The following TSC22D2 variants were observed in gnomAD, a reference collection of about 807,000 sequenced individuals.
TSC22D2 encodes the protein TSC22 domain family protein 2.
A neutral mutation model predicts 50.1 loss-of-function variants in TSC22D2; 5 were observed. The ratio of observed to expected loss-of-function variants is 0.10; its 90% CI spans 0.05 to 0.21. The LOEUF is 0.21. TSC22D2 is among the 10% of genes least tolerant of loss of function. The pLI is 1.00. For synonymous variants in TSC22D2, 501 were observed against 450.1 expected (o/e 1.11, Z -1.43); for missense variants, 1,003 against 1,015.5 (o/e 0.99, Z 0.17).
rs1007895181 is a variant in TSC22D2 at position 150,459,913 on chromosome 3, T to C, written c.*1277T>C. On this transcript the variant is annotated 3_prime_UTR_variant, in exon 3 of 3. Transcript: ENST00000688009. ...CGTATGCAGAAAACGTTTTGTTACA[T>C]TGCAGATTTTAATGTATTTAATAAA... The C allele has an allele frequency of 2.0e-5, 3 of 151,906 alleles. No homozygotes were observed. The highest frequency in any genetic ancestry group is 7.3e-5 in the African/African-American group (3 of 41,374). The allele number at this position is 151,906 out of a possible 1,614,324, so 9.4% of individuals were successfully genotyped here.
chr3:150,432,395 G>A (rs1720406217), intron 1 of TSC22D2, among the ~76,000 whole-genome samples: 1 of 151,844 alleles, frequency 6.6e-6, no homozygotes, highest in Non-Finnish European at 1.5e-5. Flanking sequence ...AGCTGGTAAG[G>A]TCTCTTTATT....
At chr3:150,442,246 C>T (rs746498214) in intron 1 of TSC22D2, among the ~76,000 whole-genome samples, 3 of 152,130 alleles carry the variant, frequency 2.0e-5, no homozygotes, top group Non-Finnish European at 4.4e-5. Flanking sequence ...TAAAATCTTG[C>T]TCTGTCTTAG....
rs1721309844 is a variant in TSC22D2, at chr3:150,459,569, G to GTTTTTTTTTT, written c.*935_*936insTTTTTTTTTT. The GTTTTTTTTTT allele has an allele frequency of 3.5e-5, 3 of 86,048 alleles. No individual in the cohort carries two copies. Among genetic ancestry groups the GTTTTTTTTTT allele is most frequent in the Non-Finnish European group, 7.5e-5 (3 of 40,226 alleles). The allele number at this position is 86,048 out of a possible 1,614,324, so 5.3% of individuals were successfully genotyped here. ...GTGTAATGGAGTTTGGTTTTTTTTT[G>GTTTTTTTTTT]TTGTTTTTTTTTTTTTGTCTTTTTT... On this transcript the variant is annotated 3_prime_UTR_variant, in exon 3 of 3. Transcript: ENST00000688009.
At chr3:150,416,573 A>G (rs1369601025) in intron 1 of TSC22D2, among the ~76,000 whole-genome samples, 1 of 152,150 alleles carries the variant, frequency 6.6e-6, no homozygotes, top group East Asian at 1.9e-4. Flanking sequence ...AATCATTGGT[A>G]TAATGTCTTT....
Position 150,410,808 on chromosome 3 carries a change from G to A in TSC22D2, c.1458G>A (p.Met486Ile). The change falls in exon 1 of 3, where the codon ATG becomes ATA. Residue 486 changes from methionine to isoleucine, a missense_variant. Physicochemically the swap from Met to Ile is conservative, Grantham distance 10. Around this residue, in one of 6 missense-constraint regions of TSC22D2, gnomAD observed 696 missense variants for 647.8 expected, o/e 1.07. Transcript: ENST00000688009. The part of the protein sequence containing the change: ...GQPQSVPPPQ[M>I]GGSGPLSAVP... ...CCCAGTCCGTGCCTCCGCCGCAGATGGGTGGCAGTGGTCCGCTGTCAGCCG... is the reference window on the plus strand; with the variant it reads ...CCCAGTCCGTGCCTCCGCCGCAGATAGGTGGCAGTGGTCCGCTGTCAGCCG... 6.2e-7 allele frequency: 1 copy of A among 1,613,344 alleles called. No individual in the cohort carries two copies. The highest frequency in any genetic ancestry group is 8.5e-7 in the Non-Finnish European group (1 of 1,179,946).
Position 150,461,865 on chromosome 3 carries a change from A to C in TSC22D2, c.*3229A>C, listed in dbSNP as rs1721426657. The C allele has an allele frequency of 1.3e-5, 2 of 148,346 alleles. No homozygotes were observed. The highest frequency in any genetic ancestry group is 3.0e-5 in the Non-Finnish European group (2 of 66,748). The allele number at this position is 148,346 out of a possible 1,614,324, so 9.2% of individuals were successfully genotyped here. On this transcript the variant is annotated 3_prime_UTR_variant, in exon 3 of 3. Coordinates refer to ENST00000688009, the MANE Select transcript of TSC22D2 (RefSeq NM_001303264.2). ...TGGACCTTTTTTTAAAAAAAAAAAA[A>C]GTCTTAATAGAACCAGAATATCTCT...
At chr3:150,425,786 T>C (rs941527893) in intron 1 of TSC22D2, among the ~76,000 whole-genome samples, 5 of 152,328 alleles carry the variant, frequency 3.3e-5, no homozygotes, top group Middle Eastern at 3.4e-3. Flanking sequence ...CAGGAATCTT[T>C]CAGTTTAGCA....
At position 150,410,210 on chromosome 3, in the gene TSC22D2, A is replaced by G. The variant is rs1719473076; in HGVS notation, c.860A>G (p.Gln287Arg). The part of the protein sequence containing the change: ...PPPPVGGAVA[Q>R]SSAPLPPFPG... Reference sequence around the variant, plus strand: ...CCACCCGTAGGTGGGGCTGTGGCTCAAAGCTCGGCTCCGCTGCCGCCGTTC... The same window carrying G: ...CCACCCGTAGGTGGGGCTGTGGCTCGAAGCTCGGCTCCGCTGCCGCCGTTC... The change falls in exon 1 of 3, where the codon CAA becomes CGA. Residue 287 changes from glutamine (Q) to arginine (R), a missense_variant. By Grantham distance (43) the Gln-to-Arg change is conservative (BLOSUM62 1). Transcript: ENST00000688009. 4 of 1,592,664 alleles carry G rather than the reference A, an allele frequency of 2.5e-6. No individual in the cohort carries two copies. In the East Asian group the frequency reaches 9.1e-5, roughly 36 times the overall value.
intron 1 of TSC22D2, among the ~76,000 whole-genome samples, chr3:150,417,233 T>G (rs1182721161): frequency 6.6e-6 from 1 of 152,186 alleles, no homozygotes; most frequent in Non-Finnish European, 1.5e-5. Context: ...TGGCATAGTT[T>G]TAAATGTTAG....
intron 1 of TSC22D2, among the ~76,000 whole-genome samples, chr3:150,420,546 A>C (rs1488939857): frequency 6.6e-6 from 1 of 152,188 alleles, no homozygotes; most frequent in Non-Finnish European, 1.5e-5. Context: ...ATGTGCTGAA[A>C]ACTTTAGGTC....
chr3:150,429,910 A>G (rs1218732980), intron 1 of TSC22D2, among the ~76,000 whole-genome samples: 1 of 152,176 alleles, frequency 6.6e-6, no homozygotes, highest in Non-Finnish European at 1.5e-5. Flanking sequence ...TCACTTTTTT[A>G]GAGTAACTCA....
chr3:150,424,929 G>C (rs904525676), intron 1 of TSC22D2, among the ~76,000 whole-genome samples: 1 of 152,168 alleles, frequency 6.6e-6, no homozygotes, highest in African/African-American at 2.4e-5. Flanking sequence ...ATTTTCCATT[G>C]AGAGGAGCAA....
At chr3:150,415,672 A>G (rs1036567027) in intron 1 of TSC22D2, among the ~76,000 whole-genome samples, 14 of 152,124 alleles carry the variant, frequency 9.2e-5, no homozygotes, top group African/African-American at 2.9e-4. Context: ...AAAATTAGCC[A>G]GGTCTGGAGG....
intron 1 of TSC22D2, among the ~76,000 whole-genome samples, chr3:150,427,627 T>C (rs1239903158): frequency 6.6e-6 from 1 of 152,172 alleles, no homozygotes; most frequent in Non-Finnish European, 1.5e-5. Flanking sequence ...TCCTTACTAA[T>C]TTGTACCTAG....
chr3:150,446,373 G>T (rs1008584932), intron 1 of TSC22D2, among the ~76,000 whole-genome samples: 4 of 152,166 alleles, frequency 2.6e-5, no homozygotes, highest in African/African-American at 7.2e-5. Flanking sequence ...TCCTTGGCTG[G>T]GTACGGTGGC....
intron 1 of TSC22D2, among the ~76,000 whole-genome samples, chr3:150,416,893 C>A (rs1719825180): frequency 1.3e-5 from 2 of 152,092 alleles, no homozygotes; most frequent in Non-Finnish European, 2.9e-5. Flanking sequence ...AGCCTCAAAT[C>A]AGACTTAAAT....
At chr3:150,445,867 A>C (rs1235801327) in intron 1 of TSC22D2, among the ~76,000 whole-genome samples, 2 of 152,076 alleles carry the variant, frequency 1.3e-5, no homozygotes, top group Non-Finnish European at 2.9e-5. Flanking sequence ...AGGCCGAGAC[A>C]GGTGGATGAC....
chr3:150,411,306 C>T lies in TSC22D2; in HGVS notation c.1956C>T (p.Asp652=). The change falls in exon 1 of 3, where the codon GAC becomes GAT. Residue 652 remains aspartate, a splice_region_variant and synonymous_variant. Transcript: ENST00000688009. ...SIAIPVDGDE[D]SASGGGVVAI... is the part of the protein sequence containing the mutation. ...CTATTCCTGTTGATGGTGATGAAGA[C>T]AGGTATGGAAATCTCTATTTTAAAT... 1 of 1,602,810 alleles carries T rather than the reference C, an allele frequency of 6.2e-7. No homozygotes were observed. The highest frequency in any genetic ancestry group is 8.5e-7 in the Non-Finnish European group (1 of 1,173,010).
intron 1 of TSC22D2, among the ~76,000 whole-genome samples, chr3:150,444,131 G>A (rs1315698173): frequency 1.3e-5 from 2 of 152,054 alleles, no homozygotes; most frequent in African/African-American, 4.8e-5. Flanking sequence ...CAGATGCAAG[G>A]AACATCAAAA....
Sources: allele counts gnomAD v4.1 joint callset (sites outside exome capture counted in the v4.1 genomes callset), GRCh38; gene constraint gnomAD v4.1.1; regional missense constraint gnomAD v4.1.1; transcripts MANE v1.5; gene names NCBI Gene and HGNC (gene_info 2026-07-23, HGNC 2026-07-21).